The following BMPR1B variants were observed in gnomAD, a reference collection of about 807,000 sequenced individuals.
BMPR1B encodes the protein bone morphogenetic protein receptor type 1B.
In BMPR1B, 12 loss-of-function variants were observed where a neutral mutation model predicts 59.1. The observed-to-expected ratio is 0.20, with a 90% CI of 0.13 to 0.33. BMPR1B has a LOEUF of 0.33. BMPR1B is among the 10% of genes least tolerant of loss of function. BMPR1B has a pLI of 1.00. For synonymous variants in BMPR1B, 237 were observed against 207.3 expected, an observed-to-expected ratio of 1.14 and a Z score of -1.23; for missense variants, 550 against 610.9, an observed-to-expected ratio of 0.90 and a Z score of 1.05.
intron 3 of BMPR1B, among the ~76,000 whole-genome samples, chr4:95,070,343 A>G (rs543961148): frequency 2.6e-5 from 4 of 152,296 alleles, no homozygotes; most frequent in Admixed American, 6.5e-5. Context: ...TGGATTGGGC[A>G]TAGCGAATAT....
chr4:94,765,076 C>T (rs1198156440), intron 1 of BMPR1B, among the ~76,000 whole-genome samples: 4 of 152,070 alleles, frequency 2.6e-5, no homozygotes, highest in Non-Finnish European at 5.9e-5. Flanking sequence ...TGTTAACCTG[C>T]ATATATTATT....
At chr4:94,883,543 G>A (rs188960242) in intron 2 of BMPR1B, among the ~76,000 whole-genome samples, 20 of 151,910 alleles carry the variant, frequency 1.3e-4, no homozygotes, top group South Asian at 1.0e-3. Context: ...AAAAAATCAA[G>A]CAGCTCATTA....
At chr4:95,151,922 A>G (rs1735071770) in intron 11 of BMPR1B, among the ~76,000 whole-genome samples, 1 of 152,192 alleles carries the variant, frequency 6.6e-6, no homozygotes, top group Non-Finnish European at 1.5e-5. Context: ...GAAGAGGAAG[A>G]AGGTAGAAAT....
In BMPR1B at chr4:95,154,614, G is replaced by A; in HGVS notation, c.1450G>A (p.Ala484Thr). The A allele has an allele frequency of 1.2e-6, 2 of 1,614,092 alleles. No individual in the cohort carries two copies. The highest frequency in any genetic ancestry group is 2.2e-5 in the East Asian group (1 of 44,880). ...TCACAATCCTGCATCAAGGCTGACA[G>A]CCCTGCGGGTTAAGAAAACACTTGC... ...WAHNPASRLT[A>T]LRVKKTLAKM... Residue 484 changes from alanine (A) to threonine (T), a missense_variant, in exon 13 of 13, where the codon GCC (alanine) becomes ACC (threonine). By Grantham distance (58) the Ala-to-Thr change is moderately conservative (BLOSUM62 0). Coordinates refer to ENST00000515059, the MANE Select transcript of BMPR1B (RefSeq NM_001203.3).
intron 1 of BMPR1B, among the ~76,000 whole-genome samples, chr4:94,768,368 A>C (rs1722046525): frequency 6.6e-6 from 1 of 152,086 alleles, no homozygotes; most frequent in Admixed American, 6.5e-5. Context: ...AAAAACAACA[A>C]CAACAACAAC....
chr4:94,912,958 GTGC>G (rs1728342715), intron 2 of BMPR1B, among the ~76,000 whole-genome samples: 1 of 128,688 alleles, frequency 7.8e-6, no homozygotes, highest in Admixed American at 7.1e-5. Flanking sequence ...CTGTCATGGT[GTGC>G]TGCTTTTTTT....
intron 1 of BMPR1B, among the ~76,000 whole-genome samples, chr4:94,835,466 A>G (rs1724768847): frequency 6.6e-6 from 1 of 152,204 alleles, no homozygotes; most frequent in African/African-American, 2.4e-5. Context: ...TTCTTAAAGG[A>G]ATCCATTTTT....
At chr4:94,984,269 T>G (rs1174846837) in intron 2 of BMPR1B, among the ~76,000 whole-genome samples, 1 of 152,232 alleles carries the variant, frequency 6.6e-6, no homozygotes, top group Non-Finnish European at 1.5e-5. Flanking sequence ...CAATAGCTGC[T>G]ATTCAGATAG....
intron 2 of BMPR1B, among the ~76,000 whole-genome samples, chr4:94,892,319 G>A (rs1343908018): frequency 6.6e-6 from 1 of 151,934 alleles, no homozygotes; most frequent in African/African-American, 2.4e-5. Flanking sequence ...CAGACCCACT[G>A]AATCTGAATC....
chr4:94,904,843 C>A (rs1326978653), intron 2 of BMPR1B, among the ~76,000 whole-genome samples: 1 of 151,968 alleles, frequency 6.6e-6, no homozygotes, highest in Non-Finnish European at 1.5e-5. Flanking sequence ...TATTGCACTC[C>A]TATCATTTGT....
At chr4:94,846,769 A>T (rs1560513334) in intron 1 of BMPR1B, among the ~76,000 whole-genome samples, 1 of 152,080 alleles carries the variant, frequency 6.6e-6, no homozygotes, top group Non-Finnish European at 1.5e-5. Flanking sequence ...CCTTCTAGAG[A>T]ACCCTAATAC....
chr4:94,993,461 T>C (rs575092006), intron 2 of BMPR1B, among the ~76,000 whole-genome samples: 172 of 152,272 alleles, frequency 1.1e-3, no homozygotes, highest in African/African-American at 3.8e-3. Flanking sequence ...TAAATTTGTA[T>C]TGCAGTATGA....
chr4:95,109,528 C>T lies in BMPR1B; in HGVS notation c.143+4961C>T, dbSNP rs367811600. ...CGTGCATTGTTCCAGCTTGTTTGCA[C>T]GTTTTACCTTGCATACTGAATGTCA... On this transcript the variant is annotated intron_variant, in intron 4 of 12. Coordinates refer to ENST00000515059, the MANE Select transcript of BMPR1B (RefSeq NM_001203.3). 4.6e-5 allele frequency among the ~76,000 whole-genome samples: 7 copies of T among 151,996 alleles called. No homozygotes were observed. The East Asian group carries it at 5.8e-4, about 13-fold the overall frequency.
At chr4:94,993,630 A>C (rs908905845) in intron 2 of BMPR1B, among the ~76,000 whole-genome samples, 1 of 151,934 alleles carries the variant, frequency 6.6e-6, no homozygotes, top group African/African-American at 2.4e-5. Flanking sequence ...GTATGGTGGC[A>C]CATGCCTGTT....
chr4:95,145,885 T>C (rs1226162663), intron 10 of BMPR1B, among the ~76,000 whole-genome samples: 1 of 152,234 alleles, frequency 6.6e-6, no homozygotes, highest in Non-Finnish European at 1.5e-5. Context: ...CTTCTAGAAA[T>C]TGGTAAGATC....
chr4:94,825,950 T>C (rs970207996), intron 1 of BMPR1B, among the ~76,000 whole-genome samples: 1 of 152,240 alleles, frequency 6.6e-6, no homozygotes, highest in Non-Finnish European at 1.5e-5. Context: ...AACATTTCTT[T>C]TTTATTTTAG....
At chr4:95,053,318 T>TGTGTGTGG (rs1726661812) in intron 3 of BMPR1B, among the ~76,000 whole-genome samples, 1 of 142,428 alleles carries the variant, frequency 7.0e-6, no homozygotes, top group African/African-American at 2.5e-5. Context: ...TGTGTGTGTG[T>TGTGTGTGG]GTGTGATGTG....
intron 1 of BMPR1B, among the ~76,000 whole-genome samples, chr4:94,843,963 A>G (rs956071535): frequency 1.3e-5 from 2 of 150,486 alleles, no homozygotes; most frequent in Non-Finnish European, 2.9e-5. Context: ...TAACCTTTCT[A>G]AGTTTAGAGA....
At chr4:94,834,425 C>T (rs911787084) in intron 1 of BMPR1B, among the ~76,000 whole-genome samples, 1 of 152,082 alleles carries the variant, frequency 6.6e-6, no homozygotes, top group Non-Finnish European at 1.5e-5. Flanking sequence ...TACTTTTTCC[C>T]TCCTCCTCCA....
Sources: allele counts gnomAD v4.1 joint callset (sites outside exome capture counted in the v4.1 genomes callset), GRCh38; gene constraint gnomAD v4.1.1; transcripts MANE v1.5; gene names NCBI Gene and HGNC (gene_info 2026-07-23, HGNC 2026-07-21).